Variants in SLC13A3 observed in about 807,000 individuals in gnomAD.
SLC13A3 encodes Na(+)/dicarboxylate cotransporter 3.
Under a neutral mutation model 59.0 loss-of-function variants are expected in SLC13A3, and 40 were observed. The ratio of observed to expected loss-of-function variants is 0.68; its 90% confidence interval spans 0.53 to 0.88. The LOEUF is 0.88. Ranked by LOEUF, SLC13A3 falls within the 40% of genes least tolerant of loss-of-function variation. The pLI is 0.00. For missense variants in SLC13A3, 699 were observed against 783.2 expected (o/e 0.89, Z 1.28); for synonymous variants, 317 against 330.3 (o/e 0.96, Z 0.44).
intron 9 of SLC13A3, among the ~76,000 whole-genome samples, chr20:46,581,169 T>A (rs569402203): frequency 6.6e-6 from 1 of 152,190 alleles, no homozygotes; most frequent in South Asian, 2.1e-4. Context: ...CCAAGAACCC[T>A]CCCAGACTAA....
chr20:46,593,192 A>G (rs1264692922), intron 5 of SLC13A3, among the ~76,000 whole-genome samples: 1 of 152,222 alleles, frequency 6.6e-6, no homozygotes, highest in Non-Finnish European at 1.5e-5. Flanking sequence ...ATGTGGAAAA[A>G]CAGGCAGATT....
At chr20:46,669,204 A>G (rs568855668) in intron 1 of SLC13A3, among the ~76,000 whole-genome samples, 1 of 152,288 alleles carries the variant, frequency 6.6e-6, no homozygotes, top group East Asian at 1.9e-4. Context: ...GAGTGAAGGA[A>G]TATAACACAT....
At chr20:46,602,682 T>A (rs1288453708) in intron 3 of SLC13A3, among the ~76,000 whole-genome samples, 1 of 152,122 alleles carries the variant, frequency 6.6e-6, no homozygotes, top group African/African-American at 2.4e-5. Flanking sequence ...ACTACTGGCG[T>A]CTATTAGTTA....
chr20:46,604,004 A>G (rs2062410031), intron 3 of SLC13A3, among the ~76,000 whole-genome samples: 1 of 151,986 alleles, frequency 6.6e-6, no homozygotes, highest in Non-Finnish European at 1.5e-5. Context: ...AAAAAAAAAA[A>G]AAGACAGAAA....
In SLC13A3 at chr20:46,559,897, A is replaced by G. The variant is rs2061916276; in HGVS notation, c.*125T>C. On this transcript the variant is annotated 3_prime_UTR_variant, in exon 13 of 13. Coordinates refer to ENST00000279027, the MANE Select transcript of SLC13A3 (RefSeq NM_022829.6). ...GGACTTGAGTGGGCCACTGGAGGTCACCCTTGCTTGCTGCATATTGGATTA... is the reference window on the plus strand; with the variant it reads ...GGACTTGAGTGGGCCACTGGAGGTCGCCCTTGCTTGCTGCATATTGGATTA... The G allele has an allele frequency of 1.1e-6, 1 of 941,412 alleles. No homozygotes were observed. Among genetic ancestry groups the G allele is most frequent in the Non-Finnish European group, 1.6e-6 (1 of 628,586 alleles). The allele number at this position is 941,412 out of a possible 1,614,324, so 58.3% of individuals were successfully genotyped here. A position where few individuals can be genotyped will look rare whatever the true frequency, so the allele number is the denominator to read the frequency against.
chr20:46,626,373 T>G (rs931622505), intron 1 of SLC13A3, among the ~76,000 whole-genome samples: 2 of 151,896 alleles, frequency 1.3e-5, no homozygotes, highest in Non-Finnish European at 1.5e-5. Context: ...TCTCTCTGGA[T>G]GCTCCTGTCA....
chr20:46,617,859 T>C (rs2062576452), intron 1 of SLC13A3, among the ~76,000 whole-genome samples: 1 of 152,124 alleles, frequency 6.6e-6, no homozygotes, highest in Non-Finnish European at 1.5e-5. Flanking sequence ...CTTTTAAAAA[T>C]ATACAATTAC....
intron 5 of SLC13A3, 62 bp from the exon 6 acceptor site, chr20:46,592,591 G>A: frequency 6.3e-7 from 1 of 1,577,174 alleles, no homozygotes; most frequent in Non-Finnish European, 8.7e-7. Flanking sequence ...GGGAGTGGGA[G>A]AGGGGACCAG....
intron 9 of SLC13A3, among the ~76,000 whole-genome samples, chr20:46,578,601 G>T (rs6017928): frequency 1.3e-5 from 2 of 152,014 alleles, no homozygotes; most frequent in Admixed American, 1.3e-4. Flanking sequence ...GCTTGAACCC[G>T]GGAGGCAGAA....
chr20:46,591,947 T>G (rs1167264026), intron 6 of SLC13A3, among the ~76,000 whole-genome samples: 1 of 152,110 alleles, frequency 6.6e-6, no homozygotes, highest in Non-Finnish European at 1.5e-5. Context: ...GGCTCACACC[T>G]ATAACCCCAG....
chr20:46,578,040 C>T (rs62214364), intron 9 of SLC13A3, among the ~76,000 whole-genome samples: 16 of 151,856 alleles, frequency 1.1e-4, no homozygotes, highest in South Asian at 4.2e-4. Context: ...TCGTCTCTGT[C>T]GCCCAGGCTG....
upstream of SLC13A3, among the ~76,000 whole-genome samples, chr20:46,672,002 A>G (rs137980703): frequency 6.6e-6 from 1 of 152,348 alleles, no homozygotes; most frequent in East Asian, 1.9e-4. Flanking sequence ...AAACAGGTCA[A>G]CAAACAGAGG....
In SLC13A3 at chr20:46,592,427, G is replaced by A. The variant is rs746276618; in HGVS notation, c.897C>T (p.Phe299=). The part of the protein sequence containing the change: ...FLLAGWLWIS[F]LYGGLSFRGW... The stretch of plus-strand genomic sequence containing the variant: ...ACCTGAAGCTCAGTCCCCCGTACAG[G>A]AAGGAGATCCAGAGCCAGCCTGCCA... The change falls in exon 6 of 13, where the codon TTC becomes TTT. Residue 299 remains phenylalanine, a synonymous_variant. Coordinates refer to ENST00000279027, the MANE Select transcript of SLC13A3 (RefSeq NM_022829.6). 2.5e-6 allele frequency: 4 copies of A among 1,613,888 alleles called. No homozygotes were observed. Among genetic ancestry groups the A allele is most frequent in the Non-Finnish European group, 2.5e-6 (3 of 1,179,946 alleles).
At chr20:46,676,890 G>C (rs1043101357) in intron 1 of SLC13A3, among the ~76,000 whole-genome samples, 1 of 151,990 alleles carries the variant, frequency 6.6e-6, no homozygotes, top group Non-Finnish European at 1.5e-5. Flanking sequence ...TGGCCAGGAG[G>C]GGGAACGGAG....
chr20:46,613,494 TGAGGGC>T lies in SLC13A3; in HGVS notation c.337_342del (p.Ala113_Leu114del). The T allele has an allele frequency of 6.2e-7, 1 of 1,607,768 alleles. No homozygotes were observed. Among genetic ancestry groups the T allele is most frequent in the Non-Finnish European group, 8.5e-7 (1 of 1,176,430 alleles). On this transcript the variant is annotated inframe_deletion, in exon 2 of 13. Coordinates refer to ENST00000279027, the MANE Select transcript of SLC13A3 (RefSeq NM_022829.6). ...TGGACTCCAACAAGCATCAGGATCTTGAGGGCGATTCGCCGGTGCAGGTTCCACTCC... is the reference window on the plus strand; with the variant it reads ...TGGACTCCAACAAGCATCAGGATCTTGATTCGCCGGTGCAGGTTCCACTCC...
intron 2 of SLC13A3, among the ~76,000 whole-genome samples, chr20:46,611,527 A>C (rs1383813669): frequency 6.6e-6 from 1 of 152,154 alleles, no homozygotes; most frequent in Non-Finnish European, 1.5e-5. Context: ...GCAGCTACAG[A>C]GCCTAGCAGA....
intron 3 of SLC13A3, among the ~76,000 whole-genome samples, chr20:46,604,245 G>T (rs1283623767): frequency 6.6e-6 from 1 of 151,982 alleles, no homozygotes; most frequent in Non-Finnish European, 1.5e-5. Context: ...ATTGCCTCTG[G>T]TCTCTCTCAG....
rs369713970 is a variant in SLC13A3 at position 46,577,820 on chromosome 20, A to G, written c.1220-2135T>C. Among the ~76,000 whole-genome samples the G allele has an allele frequency of 4.4e-4, 67 of 152,254 alleles. No homozygotes were observed. The East Asian group carries it at 0.011, about 26-fold the overall frequency. On this transcript the variant is annotated intron_variant, in intron 9 of 12. Transcript: ENST00000279027. ...TGAATCCTAGCTCTGCTGTGCCCCA[A>G]CTGTGTGATTTGGGCCAGTGTCACT...
intron 11 of SLC13A3, 68 bp from the exon 12 acceptor site, chr20:46,563,619 A>AGAGAGAGAGG: frequency 6.8e-7 from 1 of 1,461,784 alleles, no homozygotes; most frequent in Non-Finnish European, 9.3e-7. Context: ...CAAGAGGGAG[A>AGAGAGAGAGG]GAGAGAGAGA....
Sources: allele counts gnomAD v4.1 joint callset (sites outside exome capture counted in the v4.1 genomes callset), GRCh38; gene constraint gnomAD v4.1.1; transcripts MANE v1.5; gene names NCBI Gene and HGNC (gene_info 2026-07-23, HGNC 2026-07-21).